AK5: variants seen among roughly 807,000 people sequenced by gnomAD.
AK5 encodes adenylate kinase 5, also known as adenylate kinase isoenzyme 5.
AK5 carries 27 observed loss-of-function variants against 69.5 expected under a neutral mutation model. The observed-to-expected ratio is 0.39, with a 90% CI of 0.29 to 0.54. AK5 has a LOEUF of 0.54. Ranked by LOEUF, AK5 falls within the 20% of genes least tolerant of loss-of-function variation. The probability of loss-of-function intolerance (pLI) is 0.71; values close to 1 mark genes in which losing one functional copy is unlikely to be tolerated. For missense variants in AK5, 531 were observed against 700.4 expected, an observed-to-expected ratio of 0.76 and a Z score of 2.73; for synonymous variants, 260 against 244.4, an observed-to-expected ratio of 1.06 and a Z score of -0.60.
intron 10 of AK5, among the ~76,000 whole-genome samples, chr1:77,493,740 T>G (rs1219671909): frequency 6.6e-6 from 1 of 152,124 alleles, no homozygotes; most frequent in Non-Finnish European, 1.5e-5. Flanking sequence ...ATTTTCAAAG[T>G]CCAGGCCATT....
intron 5 of AK5, among the ~76,000 whole-genome samples, chr1:77,299,802 T>C (rs990839603): frequency 2.6e-5 from 4 of 152,056 alleles, no homozygotes; most frequent in Non-Finnish European, 5.9e-5. Context: ...ACATATTGAA[T>C]GTGCTAAACT....
intron 12 of AK5, 58 bp from the exon 13 acceptor site, chr1:77,535,789 T>G (rs1248841648): frequency 3.3e-6 from 5 of 1,528,770 alleles, no homozygotes; most frequent in Non-Finnish European, 4.4e-6. Flanking sequence ...CCTGGGCCTT[T>G]CCAGAACATC....
intron 8 of AK5, among the ~76,000 whole-genome samples, chr1:77,477,511 A>C (rs79502845): frequency 0.01 from 1,575 of 152,304 alleles, 35 homozygotes; most frequent in East Asian, 0.079. Flanking sequence ...GAAAATCCTC[A>C]TATGCTAGCA....
chr1:77,308,299 G>A (rs1389722583), intron 5 of AK5, among the ~76,000 whole-genome samples: 1 of 151,992 alleles, frequency 6.6e-6, no homozygotes, highest in Non-Finnish European at 1.5e-5. Flanking sequence ...GAGGAGATAA[G>A]ACTGTACTTA....
In AK5 at chr1:77,448,459, C is replaced by G. The variant is rs371198969; in HGVS notation, c.1059+30744C>G. On this transcript the variant is annotated intron_variant, in intron 8 of 13. Transcript: ENST00000354567. ...TGACCTGCCTGTGGACAGCAGCTACCCACTCCAGTCTCCTCTCCACTGAGG... is the reference window on the plus strand; with the variant it reads ...TGACCTGCCTGTGGACAGCAGCTACGCACTCCAGTCTCCTCTCCACTGAGG... Among the ~76,000 whole-genome samples, 46 of 152,284 alleles carry G rather than the reference C, an allele frequency of 3.0e-4. 1 individual carries two copies. The South Asian group carries it at 8.9e-3, about 30-fold the overall frequency.
At chr1:77,369,887 A>G (rs1259338916) in intron 6 of AK5, among the ~76,000 whole-genome samples, 2 of 152,240 alleles carry the variant, frequency 1.3e-5, no homozygotes, top group African/African-American at 2.4e-5. Context: ...TTAAGAGTGT[A>G]GTCATGCCCT....
intron 2 of AK5, among the ~76,000 whole-genome samples, chr1:77,287,973 A>G (rs200232094): frequency 0.011 from 1,707 of 152,150 alleles, 16 homozygotes; most frequent in South Asian, 0.022. Context: ...CAAGGACTCA[A>G]ATATAGAGGT....
At chr1:77,510,623 T>C (rs1019129063) in intron 10 of AK5, among the ~76,000 whole-genome samples, 7 of 152,140 alleles carry the variant, frequency 4.6e-5, no homozygotes, top group African/African-American at 1.7e-4. Context: ...GCTGATGTTA[T>C]ACAGAAGAAA....
At chr1:77,335,730 G>A (rs183239383) in intron 5 of AK5, among the ~76,000 whole-genome samples, 21 of 152,232 alleles carry the variant, frequency 1.4e-4, no homozygotes, top group East Asian at 3.9e-4. Context: ...AGCTGATTAC[G>A]CCTACCTGCT....
intron 12 of AK5, among the ~76,000 whole-genome samples, chr1:77,534,875 G>A (rs1290575810): frequency 1.3e-5 from 2 of 152,150 alleles, no homozygotes; most frequent in Non-Finnish European, 2.9e-5. Flanking sequence ...AGAACAATTT[G>A]TTATTATCTC....
chr1:77,536,819 T>A (rs1177182887), intron 13 of AK5, among the ~76,000 whole-genome samples: 1 of 152,200 alleles, frequency 6.6e-6, no homozygotes, highest in Non-Finnish European at 1.5e-5. Context: ...CCAACATTTT[T>A]AGAAGAAGCT....
intron 6 of AK5, among the ~76,000 whole-genome samples, chr1:77,343,004 G>A (rs898327419): frequency 1.3e-5 from 2 of 152,126 alleles, no homozygotes; most frequent in Non-Finnish European, 2.9e-5. Context: ...ACCTAGAACA[G>A]TACCTTCTCA....
chr1:77,305,032 A>G (rs1199425821), intron 5 of AK5, among the ~76,000 whole-genome samples: 2 of 152,040 alleles, frequency 1.3e-5, no homozygotes, highest in East Asian at 3.9e-4. Flanking sequence ...AAACCATTTA[A>G]CTGGGGTGAG....
intron 7 of AK5, among the ~76,000 whole-genome samples, chr1:77,416,808 G>C (rs1446445663): frequency 6.6e-6 from 1 of 152,176 alleles, no homozygotes; most frequent in Non-Finnish European, 1.5e-5. Context: ...CCAAGGCCAA[G>C]TTTACAGTGA....
chr1:77,351,479 C>T (rs1017651940), intron 6 of AK5, among the ~76,000 whole-genome samples: 11 of 152,156 alleles, frequency 7.2e-5, no homozygotes, highest in South Asian at 4.1e-4. Context: ...CAGAGATGGA[C>T]GATCTAGGAG....
At chr1:77,538,360 C>A (rs764346647) in intron 13 of AK5, among the ~76,000 whole-genome samples, 2,342 of 144,584 alleles carry the variant, frequency 0.016, 67 homozygotes, top group African/African-American at 0.054. Flanking sequence ...ACAACAACAA[C>A]AAAAAAAAAA....
chr1:77,391,869 T>C (rs1648510508), intron 6 of AK5, among the ~76,000 whole-genome samples: 1 of 152,142 alleles, frequency 6.6e-6, no homozygotes, highest in Non-Finnish European at 1.5e-5. Flanking sequence ...GTGAAATAAA[T>C]GGGGTGAAAC....
chr1:77,542,910 AT>A (rs1451216448), intron 13 of AK5, among the ~76,000 whole-genome samples: 1 of 152,206 alleles, frequency 6.6e-6, no homozygotes, highest in Non-Finnish European at 1.5e-5. Flanking sequence ...CTCTTAACTG[AT>A]TAAAAAAATA....
intron 7 of AK5, among the ~76,000 whole-genome samples, chr1:77,413,197 A>G (rs1570527630): frequency 6.6e-6 from 1 of 152,010 alleles, no homozygotes; most frequent in Non-Finnish European, 1.5e-5. Flanking sequence ...AGCTTCCCCC[A>G]GTTCTCTGAA....
Sources: gnomAD v4.1 joint callset for allele counts (sites outside exome capture counted in the v4.1 genomes callset) on GRCh38, gnomAD v4.1.1 for gene constraint, MANE v1.5 for transcripts, NCBI Gene and HGNC (gene_info 2026-07-23, HGNC 2026-07-21) for gene names.